The following PBRM1 variants were observed in gnomAD, a reference collection of about 807,000 sequenced individuals.
PBRM1 encodes the protein protein polybromo-1.
Under a neutral mutation model 194.5 loss-of-function variants are expected in PBRM1, and 27 were observed. The observed-to-expected ratio is 0.14, with a 90% CI of 0.10 to 0.19. PBRM1 has a LOEUF of 0.19. Ranked by LOEUF, PBRM1 falls within the 10% of genes least tolerant of loss-of-function variation. The probability of loss-of-function intolerance (pLI) is 1.00; values close to 1 mark genes in which losing one functional copy is unlikely to be tolerated. For missense variants in PBRM1, 1,466 were observed against 2,077.2 expected (o/e 0.71, Z 5.72); for synonymous variants, 655 against 693.2 (o/e 0.94, Z 0.87).
At chr3:52,648,899 G>A (rs2096404552) in intron 6 of PBRM1, among the ~76,000 whole-genome samples, 1 of 152,176 alleles carries the variant, frequency 6.6e-6, no homozygotes, top group South Asian at 2.1e-4. Context: ...AGTACCTACT[G>A]TGTGCTAGAG....
At chr3:52,617,883 G>A (rs2095047982) in intron 13 of PBRM1, among the ~76,000 whole-genome samples, 1 of 152,174 alleles carries the variant, frequency 6.6e-6, no homozygotes, top group South Asian at 2.1e-4. Flanking sequence ...GTTTAAAGAT[G>A]AGTACAGCCA....
chr3:52,644,840 C>T (rs1314905093), intron 7 of PBRM1, 51 bp from the exon 9 acceptor site: 2 of 859,152 alleles, frequency 2.3e-6, no homozygotes, highest in Admixed American at 3.7e-5. Flanking sequence ...AAAAGGACAG[C>T]TTAATGCCCC....
At chr3:52,551,596 A>AT (rs1487508725) in intron 27 of PBRM1, among the ~76,000 whole-genome samples, 1 of 152,184 alleles carries the variant, frequency 6.6e-6, no homozygotes, top group African/African-American at 2.4e-5. Flanking sequence ...GAGATGTCCT[A>AT]AATTTAGTGT....
At chr3:52,547,167 A>G (rs1200541145), downstream of PBRM1, 1 of 232,948 alleles carries the variant, frequency 4.3e-6, no homozygotes, top group Non-Finnish European at 8.5e-6. Context: ...TAACAGGTTT[A>G]AAATTTTAAA....
intron 15 of PBRM1, among the ~76,000 whole-genome samples, chr3:52,613,014 G>C (rs567298159): frequency 6.6e-6 from 1 of 151,974 alleles, no homozygotes; most frequent in Non-Finnish European, 1.5e-5. Context: ...ACAATCAGAA[G>C]AACTTGATAA....
intron 17 of PBRM1, among the ~76,000 whole-genome samples, chr3:52,593,032 C>T (rs2093244799): frequency 6.6e-6 from 1 of 152,080 alleles, no homozygotes; most frequent in Admixed American, 6.6e-5. Flanking sequence ...ATTGTGTTTA[C>T]TTGGATTTTT....
intron 22 of PBRM1, among the ~76,000 whole-genome samples, chr3:52,571,352 G>T (rs577340025): frequency 6.7e-6 from 1 of 150,310 alleles, no homozygotes; most frequent in Non-Finnish European, 1.5e-5. Context: ...GATTGGCCAG[G>T]CGTGGTGGCT....
exon 29 of PBRM1, chr3:52,550,511 G>A (rs2153373099): frequency 6.3e-7 from 1 of 1,582,684 alleles, no homozygotes; most frequent in Non-Finnish European, 8.6e-7. Context: ...TGAAGAAGCC[G>A]CTGGGTCTTT....
intron 14 of PBRM1, among the ~76,000 whole-genome samples, chr3:52,615,963 G>A (rs553101020): frequency 3.5e-4 from 53 of 152,290 alleles, no homozygotes; most frequent in Non-Finnish European, 6.8e-4. Flanking sequence ...ACTGAGCCAA[G>A]GGTGGTAATA....
chr3:52,581,916 A>G (rs985637870), intron 20 of PBRM1, among the ~76,000 whole-genome samples: 3 of 152,140 alleles, frequency 2.0e-5, no homozygotes, highest in African/African-American at 4.8e-5. Context: ...GATTACAGGC[A>G]TGAGCCACCG....
intron 17 of PBRM1, among the ~76,000 whole-genome samples, chr3:52,590,495 G>A (rs1049879981): frequency 2.0e-5 from 3 of 151,920 alleles, no homozygotes; most frequent in Admixed American, 6.6e-5. Context: ...GCTATCGTTT[G>A]CAAATATCAC....
chr3:52,646,511 T>C (rs980433087), intron 7 of PBRM1, among the ~76,000 whole-genome samples: 2 of 152,154 alleles, frequency 1.3e-5, no homozygotes, highest in African/African-American at 4.8e-5. Context: ...AACTAAAAAA[T>C]GGATTCAAAA....
chr3:52,616,749 C>T (rs1328259957), intron 14 of PBRM1, among the ~76,000 whole-genome samples: 3 of 152,150 alleles, frequency 2.0e-5, no homozygotes, highest in Non-Finnish European at 4.4e-5. Flanking sequence ...TTTAGAGGTA[C>T]ATTTATGGGA....
intron 27 of PBRM1, among the ~76,000 whole-genome samples, chr3:52,553,781 C>T (rs1388411091): frequency 6.6e-6 from 1 of 151,788 alleles, no homozygotes; most frequent in Non-Finnish European, 1.5e-5. Flanking sequence ...TCTGCCTCAG[C>T]CTCTCGAGTA....
At chr3:52,671,594 T>C (rs1176730774) in intron 2 of PBRM1, among the ~76,000 whole-genome samples, 1 of 152,276 alleles carries the variant, frequency 6.6e-6, no homozygotes, top group African/African-American at 2.4e-5. Context: ...TAAACTGTGA[T>C]AACTCAGAAT....
downstream of PBRM1, chr3:52,547,286 G>C (rs2079800663): frequency 8.6e-6 from 2 of 232,874 alleles, no homozygotes; most frequent in Non-Finnish European, 1.7e-5. Flanking sequence ...CACGTGTTCT[G>C]CAAAAATCAC....
chr3:52,678,080 C>T (rs750378266), intron 2 of PBRM1, among the ~76,000 whole-genome samples: 19 of 152,126 alleles, frequency 1.2e-4, no homozygotes, highest in Non-Finnish European at 2.8e-4. Flanking sequence ...CTATGTTGCC[C>T]AGGCTGGTCT....
intron 17 of PBRM1, among the ~76,000 whole-genome samples, chr3:52,601,346 G>A (rs927982081): frequency 6.6e-6 from 1 of 152,220 alleles, no homozygotes; most frequent in South Asian, 2.1e-4. Context: ...GTGTGGGTAA[G>A]AGATGAGGGT....
intron 21 of PBRM1, among the ~76,000 whole-genome samples, chr3:52,578,591 C>G (rs1340033064): frequency 6.6e-6 from 1 of 152,200 alleles, no homozygotes; most frequent in Non-Finnish European, 1.5e-5. Context: ...CATCAAATAT[C>G]TGAGGCCCTA....
Sources: gnomAD v4.1 joint callset for allele counts (sites outside exome capture counted in the v4.1 genomes callset) on GRCh38, gnomAD v4.1.1 for gene constraint, MANE v1.5 for transcripts, NCBI Gene and HGNC (gene_info 2026-07-23, HGNC 2026-07-21) for gene names.